SLC24A2: variants seen among roughly 807,000 people sequenced by gnomAD.
The protein encoded by SLC24A2 is solute carrier family 24 member 2, also known as sodium/potassium/calcium exchanger 2.
Under a neutral mutation model 62.0 loss-of-function variants are expected in SLC24A2, and 36 were observed. The observed-to-expected ratio is 0.58, with a 90% CI of 0.44 to 0.77. The LOEUF is 0.77. Among genes scored for constraint, SLC24A2 ranks in the 30% least tolerant of loss-of-function variants. SLC24A2 has a pLI of 0.00. For missense variants in SLC24A2, 846 were observed against 817.9 expected, an observed-to-expected ratio of 1.03 and a Z score of -0.42; for synonymous variants, 358 against 294.0, an observed-to-expected ratio of 1.22 and a Z score of -2.23.
At chr9:19,741,273 G>C (rs554826591) in intron 2 of SLC24A2, among the ~76,000 whole-genome samples, 1 of 152,084 alleles carries the variant, frequency 6.6e-6, no homozygotes, top group Non-Finnish European at 1.5e-5. Flanking sequence ...TTGGCTTTCC[G>C]GTTCTGCCAA....
chr9:19,829,167 G>A, the SLC24A2 span, among the ~76,000 whole-genome samples: 1 of 152,120 alleles, frequency 6.6e-6, no homozygotes, highest in Non-Finnish European at 1.5e-5. Flanking sequence ...CGGGGTATGA[G>A]GGTTTGCATA....
the SLC24A2 span, chr9:19,958,220 A>G: frequency 6.6e-6 from 1 of 152,232 alleles, no homozygotes; most frequent in African/African-American, 2.4e-5. Flanking sequence ...CCTAGGCTTA[A>G]GAGCCGGCTC....
At chr9:19,878,413 T>C in the SLC24A2 span, among the ~76,000 whole-genome samples, 1 of 152,142 alleles carries the variant, frequency 6.6e-6, no homozygotes, top group Non-Finnish European at 1.5e-5. Flanking sequence ...CATAACATCT[T>C]TAGAAATTAT....
At chr9:19,738,832 T>C (rs548915961) in intron 2 of SLC24A2, among the ~76,000 whole-genome samples, 1 of 152,200 alleles carries the variant, frequency 6.6e-6, no homozygotes, top group East Asian at 1.9e-4. Flanking sequence ...AAAAATCATA[T>C]ATCTAGCCAG....
chr9:19,810,120 G>T, the SLC24A2 span, among the ~76,000 whole-genome samples: 1 of 152,176 alleles, frequency 6.6e-6, no homozygotes, highest in Non-Finnish European at 1.5e-5. Flanking sequence ...AACTCAGAGA[G>T]AGTAAGTGGT....
the SLC24A2 span, among the ~76,000 whole-genome samples, chr9:19,971,835 C>G: frequency 6.6e-6 from 1 of 152,178 alleles, no homozygotes; most frequent in Non-Finnish European, 1.5e-5. Context: ...GTAATATACT[C>G]AGCCCTTGAT....
At chr9:19,586,067 T>A (rs916173744) in intron 5 of SLC24A2, among the ~76,000 whole-genome samples, 1 of 152,256 alleles carries the variant, frequency 6.6e-6, no homozygotes, top group Admixed American at 6.5e-5. Context: ...CTTATCTGTC[T>A]TATTTCTTTT....
intron 6 of SLC24A2, 67 bp downstream of exon 6, chr9:19,576,857 G>A (rs1836028478): frequency 1.7e-6 from 2 of 1,196,948 alleles, no homozygotes; most frequent in Non-Finnish European, 1.2e-6. Context: ...GCCCACACTG[G>A]TCCTGACTCT....
the SLC24A2 span, among the ~76,000 whole-genome samples, chr9:20,101,213 T>C: frequency 4.6e-5 from 7 of 152,370 alleles, no homozygotes; most frequent in African/African-American, 1.7e-4. Flanking sequence ...TAAATATGTC[T>C]GAAGGTCGGC....
the SLC24A2 span, among the ~76,000 whole-genome samples, chr9:20,215,186 G>C: frequency 5.9e-5 from 9 of 152,200 alleles, no homozygotes; most frequent in African/African-American, 1.9e-4. Context: ...GGTGGAAGGG[G>C]ATAGCTAGCT....
At chr9:19,689,490 A>G (rs1819981399) in intron 2 of SLC24A2, among the ~76,000 whole-genome samples, 1 of 152,144 alleles carries the variant, frequency 6.6e-6, no homozygotes, top group South Asian at 2.1e-4. Context: ...AATGCTCAGA[A>G]TATTCATTTT....
intron 7 of SLC24A2, among the ~76,000 whole-genome samples, chr9:19,551,614 G>A (rs1349160545): frequency 6.6e-6 from 1 of 152,106 alleles, no homozygotes; most frequent in Admixed American, 6.5e-5. Flanking sequence ...AATAACTTTA[G>A]AAAGCTCCTA....
the SLC24A2 span, among the ~76,000 whole-genome samples, chr9:19,956,778 G>A: frequency 6.6e-6 from 1 of 152,184 alleles, no homozygotes; most frequent in Non-Finnish European, 1.5e-5. Context: ...TACAATTAGA[G>A]ATGAGATTTG....
the SLC24A2 span, among the ~76,000 whole-genome samples, chr9:20,034,451 GTTTTTTTTT>G: frequency 7.2e-5 from 6 of 83,190 alleles, no homozygotes; most frequent in East Asian, 4.1e-4. Context: ...GGCCTTTTAA[GTTTTTTTTT>G]TTTTTTTTTT....
chr9:19,788,593 T>C (rs1371770737), intron 1 of SLC24A2: 10 of 964,274 alleles, frequency 1.0e-5, no homozygotes, highest in Non-Finnish European at 1.2e-5. Flanking sequence ...CCTGAGTCGT[T>C]TGTAGGTGGC....
At chr9:20,003,503 T>C in the SLC24A2 span, among the ~76,000 whole-genome samples, 1 of 152,184 alleles carries the variant, frequency 6.6e-6, no homozygotes, top group African/African-American at 2.4e-5. Context: ...TCCTTTTTTT[T>C]TAAAGTATGA....
At chr9:19,582,115 G>C (rs1222016983) in intron 5 of SLC24A2, among the ~76,000 whole-genome samples, 1 of 152,140 alleles carries the variant, frequency 6.6e-6, no homozygotes, top group African/African-American at 2.4e-5. Flanking sequence ...GTATGTTGAG[G>C]GGGTGGTAGG....
At chr9:20,007,823 G>A in the SLC24A2 span, among the ~76,000 whole-genome samples, 3 of 141,364 alleles carry the variant, frequency 2.1e-5, no homozygotes, top group African/African-American at 7.8e-5. Flanking sequence ...TGTATTTTAA[G>A]AGACTTGCAC....
the SLC24A2 span, among the ~76,000 whole-genome samples, chr9:19,987,397 C>A: frequency 6.6e-6 from 1 of 152,106 alleles, no homozygotes; most frequent in Non-Finnish European, 1.5e-5. Context: ...TACTGTGACA[C>A]AAGTCCTTTT....
Sources: gnomAD v4.1 joint callset for allele counts (sites outside exome capture counted in the v4.1 genomes callset) on GRCh38, gnomAD v4.1.1 for gene constraint, MANE v1.5 for transcripts, NCBI Gene and HGNC (gene_info 2026-07-23, HGNC 2026-07-21) for gene names.